Variants in KCNT2 observed in about 807,000 individuals in gnomAD.
KCNT2 encodes potassium channel subfamily T member 2.
KCNT2 carries 67 observed loss-of-function variants against 153.8 expected under a neutral mutation model. That is an observed-to-expected ratio of 0.44 (90% confidence interval 0.36 to 0.53). The LOEUF (loss-of-function observed/expected upper bound fraction) is 0.53. Among genes scored for constraint, KCNT2 ranks in the 20% least tolerant of loss-of-function variants. The pLI, the probability that KCNT2 is intolerant of heterozygous loss-of-function variation, is 0.00. For missense variants in KCNT2, 975 were observed against 1,354.8 expected (o/e 0.72, Z 4.40); for synonymous variants, 500 against 458.8 (o/e 1.09, Z -1.15).
chr1:196,239,981 G>A (rs1271035323), intron 26 of KCNT2, among the ~76,000 whole-genome samples: 2 of 151,980 alleles, frequency 1.3e-5, no homozygotes, highest in African/African-American at 2.4e-5. Flanking sequence ...AACATGAGAG[G>A]CCTCAGAAGA....
intron 8 of KCNT2, among the ~76,000 whole-genome samples, chr1:196,431,976 C>A (rs1047268200): frequency 6.6e-6 from 1 of 152,020 alleles, no homozygotes; most frequent in East Asian, 1.9e-4. Flanking sequence ...CAGACTGTCA[C>A]CCTCATCACA....
chr1:196,327,633 G>T (rs1457146793), intron 18 of KCNT2, among the ~76,000 whole-genome samples: 1 of 144,834 alleles, frequency 6.9e-6, no homozygotes, highest in Non-Finnish European at 1.5e-5. Flanking sequence ...TTAGTTAGTT[G>T]TCTGGAACAT....
intron 8 of KCNT2, among the ~76,000 whole-genome samples, chr1:196,441,202 T>G: frequency 6.6e-6 from 1 of 151,800 alleles, no homozygotes; most frequent in East Asian, 1.9e-4. Flanking sequence ...AGAAACTATT[T>G]AAACACCTAT....
At chr1:196,577,000 C>T (rs1208287473) in intron 1 of KCNT2, among the ~76,000 whole-genome samples, 8 of 152,056 alleles carry the variant, frequency 5.3e-5, no homozygotes, top group Admixed American at 5.3e-4. Context: ...TGTGATGATA[C>T]ATTGAATAGA....
intron 12 of KCNT2, among the ~76,000 whole-genome samples, chr1:196,419,090 C>T (rs1672980511): frequency 6.6e-6 from 1 of 152,054 alleles, no homozygotes; most frequent in South Asian, 2.1e-4. Context: ...CAGCAGCTTC[C>T]AGAGAGTTGT....
intron 14 of KCNT2, among the ~76,000 whole-genome samples, chr1:196,369,815 A>T (rs1199641642): frequency 6.6e-6 from 1 of 152,076 alleles, no homozygotes; most frequent in African/African-American, 2.4e-5. Context: ...TAGCAGCATG[A>T]TTTATAGTCC....
At chr1:196,342,834 T>C (rs1045642376) in intron 14 of KCNT2, among the ~76,000 whole-genome samples, 7 of 152,116 alleles carry the variant, frequency 4.6e-5, no homozygotes, top group African/African-American at 1.7e-4. Context: ...AATGTAAGGA[T>C]CTCTCCAACT....
At chr1:196,341,897 C>G (rs149784129) in intron 15 of KCNT2, among the ~76,000 whole-genome samples, 182 bp downstream of exon 15, 2 of 152,226 alleles carry the variant, frequency 1.3e-5, no homozygotes, top group Non-Finnish European at 2.9e-5. Context: ...TTACTCCTGA[C>G]TGTCTTATAG....
chr1:196,343,451 A>G (rs983489593), intron 14 of KCNT2, among the ~76,000 whole-genome samples: 11 of 152,300 alleles, frequency 7.2e-5, no homozygotes, highest in Non-Finnish European at 1.6e-4. Context: ...ATAAATATAT[A>G]AAAATCAAAA....
At chr1:196,433,694 C>CATGAAGAAATAT (rs1292829523) in intron 8 of KCNT2, among the ~76,000 whole-genome samples, 1 of 152,034 alleles carries the variant, frequency 6.6e-6, no homozygotes, top group Non-Finnish European at 1.5e-5. Flanking sequence ...TTATGACAAC[C>CATGAAGAAATAT]ATGAAGAAAT....
At position 196,368,446 on chromosome 1, in the gene KCNT2, G is replaced by A. The variant is rs560810828; in HGVS notation, c.1403+4694C>T. 4.6e-5 allele frequency among the ~76,000 whole-genome samples: 7 copies of A among 151,898 alleles called. No homozygotes were observed. The South Asian group carries it at 8.3e-4, about 18-fold the overall frequency. On this transcript the variant is annotated intron_variant, in intron 14 of 27. Transcript: ENST00000294725. ...GGACTTCCATTATTTTTCTTTCTTC[G>A]ATTAATGAACAAACCTAATGAAGTA...
At chr1:196,302,833 C>T (rs1222880683) in intron 22 of KCNT2, among the ~76,000 whole-genome samples, 1 of 151,742 alleles carries the variant, frequency 6.6e-6, no homozygotes, top group East Asian at 1.9e-4. Context: ...TTAACTTTAA[C>T]ATAATATGGT....
At chr1:196,537,068 A>C (rs1655683960) in intron 1 of KCNT2, among the ~76,000 whole-genome samples, 1 of 152,184 alleles carries the variant, frequency 6.6e-6, no homozygotes, top group Non-Finnish European at 1.5e-5. Context: ...ATGCACATCC[A>C]GTTCAAATGG....
intron 12 of KCNT2, among the ~76,000 whole-genome samples, chr1:196,415,695 C>G (rs142696896): frequency 1.1e-3 from 168 of 151,884 alleles, no homozygotes; most frequent in African/African-American, 4.0e-3. Flanking sequence ...AAACATAAAA[C>G]AATTAAAAGA....
intron 8 of KCNT2, among the ~76,000 whole-genome samples, chr1:196,434,767 T>G (rs570900932): frequency 6.6e-6 from 1 of 151,940 alleles, no homozygotes; most frequent in Admixed American, 6.6e-5. Flanking sequence ...AGTGACATTA[T>G]GTGGTTGCAG....
At chr1:196,235,465 T>C (rs1654347419) in intron 27 of KCNT2, among the ~76,000 whole-genome samples, 2 of 151,654 alleles carry the variant, frequency 1.3e-5, no homozygotes, top group South Asian at 4.1e-4. Context: ...AAATTGTAGC[T>C]TTGTTAATTA....
intron 3 of KCNT2, among the ~76,000 whole-genome samples, chr1:196,484,715 A>G (rs1679280789): frequency 6.6e-6 from 1 of 152,074 alleles, no homozygotes; most frequent in Non-Finnish European, 1.5e-5. Context: ...AGGTATAAGG[A>G]AGGGGTCCAG....
chr1:196,497,087 C>T (rs1680317471), intron 1 of KCNT2, among the ~76,000 whole-genome samples: 1 of 152,132 alleles, frequency 6.6e-6, no homozygotes, highest in Non-Finnish European at 1.5e-5. Context: ...ATTGTGTTGT[C>T]CCTTTCTTAT....
rs1653662753 is a variant in KCNT2, at chr1:196,228,456, A to G, written c.3297-121T>C. The G allele has an allele frequency of 2.2e-5, 13 of 600,654 alleles. No homozygotes were observed. In the South Asian group the frequency reaches 2.7e-4, roughly 13 times the overall value. 37.2% of individuals were successfully genotyped at this position (600,654 alleles called of 1,614,324 possible). A position where few individuals can be genotyped will look rare whatever the true frequency, so the allele number is the denominator to read the frequency against. On this transcript the variant is annotated intron_variant, in intron 27 of 27. Coordinates refer to ENST00000294725, the MANE Select transcript of KCNT2 (RefSeq NM_198503.5). Reference sequence around the variant, plus strand: ...TTTTCAGATTATCTAAACTGTCTGTATACAACATTGGTGGTAGAACTCACT... The same window carrying G: ...TTTTCAGATTATCTAAACTGTCTGTGTACAACATTGGTGGTAGAACTCACT...
Sources: allele counts gnomAD v4.1 joint callset (sites outside exome capture counted in the v4.1 genomes callset), GRCh38; gene constraint gnomAD v4.1.1; transcripts MANE v1.5; gene names NCBI Gene and HGNC (gene_info 2026-07-23, HGNC 2026-07-21).